CSNK2A2IP: variants seen among roughly 807,000 people sequenced by gnomAD.
CSNK2A2IP encodes casein kinase II subunit alpha'-interacting protein.
the CSNK2A2IP span, among the ~76,000 whole-genome samples, chr3:88,355,201 AG>A: frequency 6.6e-6 from 1 of 152,164 alleles, no homozygotes; most frequent in Non-Finnish European, 1.5e-5. Context: ...TAAATGAGAA[AG>A]GGTGATGGTG....
chr3:88,441,931 TCTTA>T, the CSNK2A2IP span, among the ~76,000 whole-genome samples: 1 of 152,176 alleles, frequency 6.6e-6, no homozygotes, highest in Non-Finnish European at 1.5e-5. Flanking sequence ...AAAAGGACTG[TCTTA>T]CTTAAAAACA....
chr3:88,388,901 T>TG, the CSNK2A2IP span, among the ~76,000 whole-genome samples: 2 of 152,008 alleles, frequency 1.3e-5, no homozygotes, highest in Non-Finnish European at 2.9e-5. Context: ...TAGCACCAAT[T>TG]GACTCATTCA....
At chr3:88,364,278 T>G in the CSNK2A2IP span, among the ~76,000 whole-genome samples, 14 of 146,954 alleles carry the variant, frequency 9.5e-5, no homozygotes, top group African/African-American at 3.8e-4. Context: ...GTTTTGTCTG[T>G]TTTTTTTTGG....
the CSNK2A2IP span, among the ~76,000 whole-genome samples, chr3:88,458,141 G>GTTTTTTTTTGTGTTTTTTTTTT: frequency 1.2e-5 from 1 of 83,304 alleles, no homozygotes; most frequent in African/African-American, 5.4e-5. Context: ...TGTAATTGTG[G>GTTTTTTTTTGTGTTTTTTTTTT]TTTTTTTTTT....
the CSNK2A2IP span, among the ~76,000 whole-genome samples, chr3:88,412,018 C>T: frequency 2.6e-5 from 4 of 151,488 alleles, no homozygotes; most frequent in South Asian, 6.2e-4. Flanking sequence ...TAGAAGAATA[C>T]CCCAAGAGAA....
chr3:88,354,237 T>A, the CSNK2A2IP span, among the ~76,000 whole-genome samples: 1 of 152,228 alleles, frequency 6.6e-6, no homozygotes, highest in South Asian at 2.1e-4. Flanking sequence ...GGTATTCTTT[T>A]ATGGCAACAC....
At chr3:88,340,212 T>C in the CSNK2A2IP span, among the ~76,000 whole-genome samples, 1 of 151,958 alleles carries the variant, frequency 6.6e-6, no homozygotes, top group East Asian at 1.9e-4. Flanking sequence ...ATTCTGAGTC[T>C]TACAGGGTCT....
the CSNK2A2IP span, among the ~76,000 whole-genome samples, chr3:88,440,484 A>C: frequency 6.6e-6 from 1 of 152,206 alleles, no homozygotes; most frequent in Non-Finnish European, 1.5e-5. Flanking sequence ...AACTGCTCCA[A>C]AGAATATATA....
the CSNK2A2IP span, among the ~76,000 whole-genome samples, chr3:88,449,180 A>G: frequency 6.6e-6 from 1 of 152,060 alleles, no homozygotes; most frequent in Non-Finnish European, 1.5e-5. Context: ...TTTTGTTTTA[A>G]CTTCCTGAAT....
At chr3:88,452,581 A>G in the CSNK2A2IP span, among the ~76,000 whole-genome samples, 1 of 152,154 alleles carries the variant, frequency 6.6e-6, no homozygotes, top group African/African-American at 2.4e-5. Flanking sequence ...CAAGTTCACT[A>G]CAGTAACATG....
the CSNK2A2IP span, chr3:88,465,784 C>G: frequency 8.1e-7 from 1 of 1,231,680 alleles, no homozygotes; most frequent in Non-Finnish European, 1.0e-6. Flanking sequence ...ATCACTGGAG[C>G]TCAATCAAGC....
chr3:88,454,588 T>G, the CSNK2A2IP span, among the ~76,000 whole-genome samples: 1 of 151,936 alleles, frequency 6.6e-6, no homozygotes, highest in South Asian at 2.1e-4. Context: ...GAATTGATTT[T>G]TGTATTTACT....
At chr3:88,372,299 A>G in the CSNK2A2IP span, among the ~76,000 whole-genome samples, 1 of 151,516 alleles carries the variant, frequency 6.6e-6, no homozygotes, top group Non-Finnish European at 1.5e-5. Context: ...AATGGCAAAA[A>G]CTGCAATTAC....
chr3:88,398,740 A>T, the CSNK2A2IP span, among the ~76,000 whole-genome samples: 1 of 152,164 alleles, frequency 6.6e-6, no homozygotes, highest in Non-Finnish European at 1.5e-5. Context: ...TACTATAAAG[A>T]CATCTTGATT....
the CSNK2A2IP span, among the ~76,000 whole-genome samples, chr3:88,359,040 T>C: frequency 8.2e-6 from 1 of 121,354 alleles, no homozygotes; most frequent in Non-Finnish European, 1.9e-5. Context: ...ACGCGTGCTC[T>C]TTTTTTTTGT....
the CSNK2A2IP span, among the ~76,000 whole-genome samples, chr3:88,348,168 G>A: frequency 6.9e-6 from 1 of 144,854 alleles, no homozygotes; most frequent in Non-Finnish European, 1.5e-5. Flanking sequence ...CTTTGACCAT[G>A]TAGTTTCTGT....
chr3:88,411,375 A>G, the CSNK2A2IP span, among the ~76,000 whole-genome samples: 3 of 119,654 alleles, frequency 2.5e-5, no homozygotes, highest in South Asian at 5.0e-4. Context: ...CTATCTATCT[A>G]TCTGTCTATC....
At chr3:88,441,071 A>T in the CSNK2A2IP span, among the ~76,000 whole-genome samples, 16 of 152,316 alleles carry the variant, frequency 1.1e-4, no homozygotes, top group Admixed American at 7.2e-4. Flanking sequence ...TGGCTAATTT[A>T]ACTAGGTGTT....
At chr3:88,443,825 T>G in the CSNK2A2IP span, among the ~76,000 whole-genome samples, 1 of 152,178 alleles carries the variant, frequency 6.6e-6, no homozygotes, top group African/African-American at 2.4e-5. Flanking sequence ...TCATTATTAT[T>G]TTGATATTAT....
Sources: allele counts gnomAD v4.1 joint callset (sites outside exome capture counted in the v4.1 genomes callset), GRCh38; gene constraint gnomAD v4.1.1; transcripts MANE v1.5; gene names NCBI Gene and HGNC (gene_info 2026-07-23, HGNC 2026-07-21).